Variants in GPC6 observed in about 807,000 individuals in gnomAD.
GPC6 encodes glypican-6.
GPC6 carries 14 observed loss-of-function variants against 55.2 expected under a neutral mutation model. The observed-to-expected ratio is 0.25, with a 90% CI of 0.17 to 0.40. The LOEUF (loss-of-function observed/expected upper bound fraction) is 0.40, where lower values mean the gene tolerates loss of function less well. Ranked by LOEUF, GPC6 falls within the 10% of genes least tolerant of loss-of-function variation. The pLI, the probability that GPC6 is intolerant of heterozygous loss-of-function variation, is 1.00. For missense variants in GPC6, 641 were observed against 708.5 expected (o/e 0.90, Z 1.08); for synonymous variants, 278 against 259.6 (o/e 1.07, Z -0.68).
chr13:93,967,269 A>G (rs1880090517), intron 3 of GPC6, among the ~76,000 whole-genome samples: 1 of 152,200 alleles, frequency 6.6e-6, no homozygotes, highest in South Asian at 2.1e-4. Flanking sequence ...TCCACTGGTG[A>G]AGACAGACAG....
At chr13:93,283,328 T>C (rs547364784) in intron 1 of GPC6, among the ~76,000 whole-genome samples, 1 of 152,208 alleles carries the variant, frequency 6.6e-6, no homozygotes, top group South Asian at 2.1e-4. Context: ...AATTTTGCGG[T>C]TGAGAAAAAC....
chr13:94,212,415 C>G (rs1228738839), intron 4 of GPC6, among the ~76,000 whole-genome samples: 1 of 152,094 alleles, frequency 6.6e-6, no homozygotes, highest in African/African-American at 2.4e-5. Context: ...AGGGTAACAT[C>G]TGTATTACAT....
intron 4 of GPC6, among the ~76,000 whole-genome samples, chr13:94,188,314 CAG>C (rs1332990152): frequency 6.6e-6 from 1 of 152,158 alleles, no homozygotes; most frequent in Non-Finnish European, 1.5e-5. Context: ...TCCCAGGAGA[CAG>C]GGGTGAGTTA....
chr13:93,259,022 T>C (rs2139038129), intron 1 of GPC6, among the ~76,000 whole-genome samples: 1 of 152,280 alleles, frequency 6.6e-6, no homozygotes, highest in Middle Eastern at 3.4e-3. Flanking sequence ...TAATGGTATG[T>C]ATCTGGTGAA....
chr13:93,693,702 G>A (rs773642882), intron 2 of GPC6, among the ~76,000 whole-genome samples: 1 of 152,030 alleles, frequency 6.6e-6, no homozygotes, highest in Non-Finnish European at 1.5e-5. Context: ...GCCCAGGCTG[G>A]TCTTAAACTC....
At chr13:93,348,100 A>G (rs1880490781) in intron 1 of GPC6, among the ~76,000 whole-genome samples, 2 of 152,208 alleles carry the variant, frequency 1.3e-5, no homozygotes, top group Admixed American at 6.5e-5. Flanking sequence ...ATAGTTTGGA[A>G]AACACTCTCT....
At chr13:94,158,731 A>T (rs1338380123) in intron 4 of GPC6, among the ~76,000 whole-genome samples, 4 of 152,114 alleles carry the variant, frequency 2.6e-5, no homozygotes, top group Admixed American at 1.3e-4. Flanking sequence ...TCAACTCAGG[A>T]GTGGCAGGTG....
Position 93,711,783 on chromosome 13 carries a change from C to G in GPC6, c.320-118371C>G, listed in dbSNP as rs1361259000. Among the ~76,000 whole-genome samples, 8 of 151,706 alleles carry G rather than the reference C, an allele frequency of 5.3e-5. No homozygotes were observed. The South Asian group carries it at 1.4e-3, about 27-fold the overall frequency. On this transcript the variant is annotated intron_variant, in intron 2 of 8. Coordinates refer to ENST00000377047, the MANE Select transcript of GPC6 (RefSeq NM_005708.5). ...CTGGCAGGACATCTTCCTTTATTCA[C>G]CCAAGCATAGCCTGGAAAGGGATAG...
intron 2 of GPC6, among the ~76,000 whole-genome samples, chr13:93,553,587 C>T (rs543929485): frequency 4.7e-5 from 7 of 147,908 alleles, no homozygotes; most frequent in East Asian, 4.2e-4. Flanking sequence ...CCCAGCTACT[C>T]GGGAGGCTGA....
At chr13:93,910,266 T>C (rs1412218628) in intron 3 of GPC6, among the ~76,000 whole-genome samples, 1 of 152,132 alleles carries the variant, frequency 6.6e-6, no homozygotes, top group East Asian at 1.9e-4. Flanking sequence ...AAAGCAGAGT[T>C]TCCCTGCACC....
chr13:93,231,353 A>G (rs1876013585), intron 1 of GPC6, among the ~76,000 whole-genome samples: 1 of 28,088 alleles, frequency 3.6e-5, no homozygotes, highest in Non-Finnish European at 6.2e-5. Context: ...ATACATATAT[A>G]TATATACGTA....
chr13:94,186,836 T>C (rs894308902), intron 4 of GPC6: 1 of 152,202 alleles, frequency 6.6e-6, no homozygotes, highest in Non-Finnish European at 1.5e-5. Context: ...CTGCATACAC[T>C]CAAATAGCAG....
At chr13:93,488,814 G>T (rs1455418132) in intron 1 of GPC6, among the ~76,000 whole-genome samples, 28 of 152,064 alleles carry the variant, frequency 1.8e-4, no homozygotes, top group Non-Finnish European at 4.4e-5. Context: ...TTTTGATGGG[G>T]TTGTTTGTTT....
intron 2 of GPC6, among the ~76,000 whole-genome samples, chr13:93,753,988 G>A (rs1392641858): frequency 1.3e-5 from 2 of 152,144 alleles, no homozygotes; most frequent in Non-Finnish European, 2.9e-5. Flanking sequence ...TTAATTTAAG[G>A]AGACTGCACA....
At chr13:93,626,661 G>A (rs1352195193) in intron 2 of GPC6, among the ~76,000 whole-genome samples, 1 of 152,036 alleles carries the variant, frequency 6.6e-6, no homozygotes, top group African/African-American at 2.4e-5. Flanking sequence ...AATTAGCCAG[G>A]CATAGTGGCA....
At chr13:93,584,674 C>T (rs1877105224) in intron 2 of GPC6, among the ~76,000 whole-genome samples, 1 of 148,308 alleles carries the variant, frequency 6.7e-6, no homozygotes, top group Non-Finnish European at 1.5e-5. Flanking sequence ...TACCATGTTA[C>T]CTTCTGAAAG....
intron 3 of GPC6, among the ~76,000 whole-genome samples, chr13:93,926,099 C>T (rs191310406): frequency 1.3e-5 from 2 of 152,256 alleles, no homozygotes; most frequent in African/African-American, 4.8e-5. Flanking sequence ...AAGGTGGAAG[C>T]CTTAGTGATT....
chr13:93,816,252 A>C (rs1056012710), intron 2 of GPC6, among the ~76,000 whole-genome samples: 1 of 152,138 alleles, frequency 6.6e-6, no homozygotes, highest in African/African-American at 2.4e-5. Context: ...AATTATCTAT[A>C]TTTTAAAAAG....
At position 93,670,557 on chromosome 13, in the gene GPC6, C is replaced by A. The variant is rs181050199; in HGVS notation, c.319+125136C>A. 4.6e-5 allele frequency among the ~76,000 whole-genome samples: 7 copies of A among 152,250 alleles called. No individual in the cohort carries two copies. The East Asian group carries it at 1.4e-3, about 29-fold the overall frequency. ...ATATAATGTGTGGGAATGAGAATGACATTTGCCAGCAAGATATAATATTAC... is the reference window on the plus strand; with the variant it reads ...ATATAATGTGTGGGAATGAGAATGAAATTTGCCAGCAAGATATAATATTAC... On this transcript the variant is annotated intron_variant, in intron 2 of 8. Transcript: ENST00000377047.
Sources: gnomAD v4.1 joint callset for allele counts (sites outside exome capture counted in the v4.1 genomes callset) on GRCh38, gnomAD v4.1.1 for gene constraint, MANE v1.5 for transcripts, NCBI Gene and HGNC (gene_info 2026-07-23, HGNC 2026-07-21) for gene names.